Variants in PCYT1A observed in about 807,000 individuals in gnomAD.
PCYT1A encodes choline-phosphate cytidylyltransferase A.
In PCYT1A, 25 loss-of-function variants were observed where a neutral mutation model predicts 43.7. That is an observed-to-expected ratio of 0.57 (90% CI 0.42 to 0.80). The LOEUF is 0.80. Ranked by LOEUF, PCYT1A falls within the 30% of genes least tolerant of loss-of-function variation. The probability of loss-of-function intolerance (pLI) is 0.00; values close to 1 mark genes in which losing one functional copy is unlikely to be tolerated. For synonymous variants in PCYT1A, 172 were observed against 170.7 expected (o/e 1.01, Z -0.06); for missense variants, 421 against 474.2 (o/e 0.89, Z 1.04).
At position 196,282,320 on chromosome 3, in the gene PCYT1A, T is replaced by C. The variant is rs989309133; in HGVS notation, c.-11+5295A>G. Among the ~76,000 whole-genome samples, 7 of 152,238 alleles carry C rather than the reference T, an allele frequency of 4.6e-5. No homozygotes were observed. Among genetic ancestry groups the C allele is most frequent in the Admixed American group, 1.3e-4 (2 of 15,278 alleles). On this transcript the variant is annotated intron_variant, in intron 1 of 8. Coordinates refer to ENST00000431016, the MANE Select transcript of PCYT1A (RefSeq NM_001312673.2). The surrounding 1 kb of genome is among the most constrained non-coding windows in gnomAD (Gnocchi z 4.3). The stretch of plus-strand genomic sequence containing the variant: ...AATAGTTCTTACAGTTGAACAATTT[T>C]ACTCTGCCACTATTCTACCAGAATA...
At chr3:196,249,547 G>A (rs529364387) in intron 3 of PCYT1A, among the ~76,000 whole-genome samples, 1 of 152,168 alleles carries the variant, frequency 6.6e-6, no homozygotes, top group African/African-American at 2.4e-5. Context: ...TTAGAAGCCA[G>A]GAAATGATTT....
At chr3:196,264,997 A>G (rs1012663276) in intron 2 of PCYT1A, among the ~76,000 whole-genome samples, 26 of 151,070 alleles carry the variant, frequency 1.7e-4, no homozygotes, top group Non-Finnish European at 8.9e-5. Context: ...ATACTTCATG[A>G]CTCATTCATA....
At chr3:196,250,346 A>T (rs904123215) in intron 3 of PCYT1A, among the ~76,000 whole-genome samples, 1 of 151,808 alleles carries the variant, frequency 6.6e-6, no homozygotes, top group Non-Finnish European at 1.5e-5. Context: ...GATCAGATAC[A>T]CTATGCTGAG....
chr3:196,266,249 G>A (rs1361605355), intron 2 of PCYT1A, among the ~76,000 whole-genome samples: 2 of 151,546 alleles, frequency 1.3e-5, no homozygotes, highest in African/African-American at 2.4e-5. Flanking sequence ...GAGGCGGGCG[G>A]ATCACGAGGT....
At chr3:196,248,041 C>T in intron 4 of PCYT1A, 166 bp downstream of exon 4, 2 of 632,068 alleles carry the variant, frequency 3.2e-6, no homozygotes, top group East Asian at 2.6e-5. Context: ...GCTCCTCTCT[C>T]CAGGTTTAGT....
At position 196,282,327 on chromosome 3, in the gene PCYT1A, C is replaced by T. The variant is rs1400474237; in HGVS notation, c.-11+5288G>A. Reference sequence around the variant, plus strand: ...CTTACAGTTGAACAATTTTACTCTGCCACTATTCTACCAGAATATTTGGTG... The same window carrying T: ...CTTACAGTTGAACAATTTTACTCTGTCACTATTCTACCAGAATATTTGGTG... On this transcript the variant is annotated intron_variant, in intron 1 of 8. Coordinates refer to ENST00000431016, the MANE Select transcript of PCYT1A (RefSeq NM_001312673.2). The surrounding 1 kb of genome is among the most constrained non-coding windows in gnomAD (Gnocchi z 4.3). Among the ~76,000 whole-genome samples the T allele has an allele frequency of 6.6e-6, 1 of 152,228 alleles. No homozygotes were observed. The highest frequency in any genetic ancestry group is 6.5e-5 in the Admixed American group (1 of 15,270).
intron 1 of PCYT1A, among the ~76,000 whole-genome samples, chr3:196,275,939 T>C (rs1324689877): frequency 3.3e-5 from 5 of 150,354 alleles, no homozygotes; most frequent in Non-Finnish European, 7.4e-5. Flanking sequence ...CTACTAAAAA[T>C]ACAAAAAATT....
At chr3:196,260,510 T>C (rs1725077339) in intron 2 of PCYT1A, among the ~76,000 whole-genome samples, 2 of 152,164 alleles carry the variant, frequency 1.3e-5, no homozygotes, top group Non-Finnish European at 2.9e-5. Context: ...ATTATACTGC[T>C]AGGTATATAC....
intron 1 of PCYT1A, among the ~76,000 whole-genome samples, chr3:196,283,238 C>T (rs946386924): frequency 2.0e-5 from 3 of 152,028 alleles, no homozygotes; most frequent in Admixed American, 6.6e-5. Context: ...GGCAGGAGAT[C>T]GCTTGAACCC....
intron 1 of PCYT1A, among the ~76,000 whole-genome samples, chr3:196,272,625 C>T (rs955129138): frequency 1.2e-4 from 19 of 152,158 alleles, no homozygotes; most frequent in African/African-American, 3.9e-4. Context: ...GGCCCTTCCC[C>T]TTCTTTTCTC....
At chr3:196,246,944 G>A (rs967537878) in intron 5 of PCYT1A, among the ~76,000 whole-genome samples, 6 of 150,458 alleles carry the variant, frequency 4.0e-5, no homozygotes, top group Admixed American at 1.3e-4. Context: ...AACTTGTGGC[G>A]AGTTCAGTTC....
At chr3:196,244,502 C>T (rs1369664310) in intron 5 of PCYT1A, among the ~76,000 whole-genome samples, 112 of 151,818 alleles carry the variant, frequency 7.4e-4, no homozygotes, top group Non-Finnish European at 1.2e-3. Flanking sequence ...GCAGCCACCC[C>T]GTCCGGGAGG....
At chr3:196,276,508 C>T (rs936057337) in intron 1 of PCYT1A, among the ~76,000 whole-genome samples, 2 of 151,260 alleles carry the variant, frequency 1.3e-5, no homozygotes, top group African/African-American at 2.4e-5. Flanking sequence ...GAGACTGAGG[C>T]GGGAGGATCA....
chr3:196,280,570 G>GTTTTTTT, intron 1 of PCYT1A, among the ~76,000 whole-genome samples: 5 of 91,340 alleles, frequency 5.5e-5, no homozygotes, highest in South Asian at 4.0e-4. Context: ...TATTTTTATT[G>GTTTTTTT]TTTTTTTTTT....
intron 2 of PCYT1A, among the ~76,000 whole-genome samples, chr3:196,258,323 A>G (rs534754995): frequency 6.6e-6 from 1 of 150,394 alleles, no homozygotes; most frequent in East Asian, 2.0e-4. Flanking sequence ...ATTCCTATGT[A>G]TTTTATTCTA....
chr3:196,257,937 A>G, intron 2 of PCYT1A, 50 bp from the exon 3 acceptor site: 2 of 1,021,394 alleles, frequency 2.0e-6, no homozygotes, highest in Non-Finnish European at 3.0e-6. Context: ...AATGGCATAC[A>G]CTGTAATACT....
chr3:196,241,568 G>A (rs1724356863), intron 7 of PCYT1A: 3 of 1,299,802 alleles, frequency 2.3e-6, no homozygotes, highest in Non-Finnish European at 3.0e-6. Context: ...TGTGTGGGAA[G>A]TGGTGTGTCG....
chr3:196,254,975 T>C (rs1297975323), intron 3 of PCYT1A, among the ~76,000 whole-genome samples: 1 of 152,210 alleles, frequency 6.6e-6, no homozygotes, highest in Non-Finnish European at 1.5e-5. Context: ...CTGACCTTCT[T>C]GTCTCTCAAA....
intron 1 of PCYT1A, among the ~76,000 whole-genome samples, chr3:196,281,459 ACTAC>A (rs1725770195): frequency 6.6e-6 from 1 of 152,234 alleles, no homozygotes; most frequent in South Asian, 2.1e-4. Flanking sequence ...AAGATGGCCC[ACTAC>A]CTGTTTTTGT....
Sources: allele counts gnomAD v4.1 joint callset (sites outside exome capture counted in the v4.1 genomes callset), GRCh38; gene constraint gnomAD v4.1.1; non-coding constraint Gnocchi (gnomAD v3.1); transcripts MANE v1.5; gene names NCBI Gene and HGNC (gene_info 2026-07-23, HGNC 2026-07-21).